The following ATRNL1 variants were observed in gnomAD, a reference collection of about 807,000 sequenced individuals.
ATRNL1 encodes attractin-like protein 1.
Under a neutral mutation model 182.7 loss-of-function variants are expected in ATRNL1, and 95 were observed. The observed-to-expected ratio is 0.52, with a 90% confidence interval of 0.44 to 0.62. The LOEUF (loss-of-function observed/expected upper bound fraction) is 0.62, where lower values mean the gene tolerates loss of function less well. ATRNL1 is among the 20% of genes least tolerant of loss of function. The pLI is 0.00. For synonymous variants in ATRNL1, 576 were observed against 568.3 expected, an observed-to-expected ratio of 1.01 and a Z score of -0.19; for missense variants, 1,471 against 1,679.5, an observed-to-expected ratio of 0.88 and a Z score of 2.17.
Position 115,857,978 on chromosome 10 carries a change from A to C in ATRNL1, c.4018+9987A>C, listed in dbSNP as rs115506210. ...GTGCTCAAAGAGAAAAACAGGAAAA[A>C]ATTAAAACTCAACAAGACAACTTAC... is the stretch of plus-strand genomic sequence containing the variant. On this transcript the variant is annotated intron_variant, in intron 28 of 28. Transcript: ENST00000355044. Among the ~76,000 whole-genome samples the C allele has an allele frequency of 5.8e-3, 887 of 152,304 alleles. 19 individuals are homozygous for C. Among genetic ancestry groups the C allele is most frequent in the African/African-American group, 0.02 (829 of 41,562 alleles).
At chr10:115,120,335 G>A (rs1844671892) in intron 2 of ATRNL1, 67 bp downstream of exon 2, 2 of 839,824 alleles carry the variant, frequency 2.4e-6, no homozygotes, top group Non-Finnish European at 3.8e-6. Flanking sequence ...TCATATTAAT[G>A]TCAGAGCATT....
intron 19 of ATRNL1, among the ~76,000 whole-genome samples, chr10:115,392,260 A>G (rs925646503): frequency 3.3e-5 from 5 of 152,182 alleles, no homozygotes; most frequent in Admixed American, 2.6e-4. Context: ...TGTAATTTAT[A>G]TCATTCCCAA....
At chr10:115,261,259 G>C (rs1851380165) in intron 10 of ATRNL1, among the ~76,000 whole-genome samples, 1 of 152,108 alleles carries the variant, frequency 6.6e-6, no homozygotes, top group African/African-American at 2.4e-5. Context: ...AAGTGTTAGA[G>C]TGAAATAAAA....
intron 26 of ATRNL1, among the ~76,000 whole-genome samples, chr10:115,582,630 A>G (rs1425361484): frequency 2.1e-5 from 3 of 142,662 alleles, no homozygotes; most frequent in Admixed American, 7.4e-5. Flanking sequence ...AGTTCATTGT[A>G]GATTCTGGAT....
chr10:115,587,337 G>T (rs1377474082), intron 26 of ATRNL1, among the ~76,000 whole-genome samples: 1 of 152,074 alleles, frequency 6.6e-6, no homozygotes. Context: ...CCTTGGCAAT[G>T]GCGGGCGCCC....
chr10:115,771,506 A>G (rs1239626659), intron 27 of ATRNL1, among the ~76,000 whole-genome samples: 1 of 152,218 alleles, frequency 6.6e-6, no homozygotes. Context: ...CTGGGATTAC[A>G]GGCGTGAGCC....
chr10:115,520,957 G>A (rs960382722), intron 25 of ATRNL1, among the ~76,000 whole-genome samples: 7 of 151,996 alleles, frequency 4.6e-5, no homozygotes, highest in African/African-American at 7.2e-5. Flanking sequence ...AAGTGCATTC[G>A]TACTTTAAAT....
chr10:115,803,597 G>C (rs1451431083), intron 27 of ATRNL1, among the ~76,000 whole-genome samples: 1 of 139,630 alleles, frequency 7.2e-6, no homozygotes, highest in Non-Finnish European at 1.6e-5. Flanking sequence ...GGGTTTTTTT[G>C]TGTTTTTTTT....
intron 25 of ATRNL1, among the ~76,000 whole-genome samples, chr10:115,531,575 G>A (rs1554988284): frequency 6.7e-6 from 1 of 150,144 alleles, no homozygotes; most frequent in African/African-American, 2.4e-5. Context: ...CCATTTTGTA[G>A]GCTGCCTGTT....
intron 26 of ATRNL1, among the ~76,000 whole-genome samples, chr10:115,565,055 A>G (rs544832437): frequency 6.6e-6 from 1 of 152,084 alleles, no homozygotes; most frequent in East Asian, 1.9e-4. Flanking sequence ...GAGCATTTCT[A>G]ATGCACTTAG....
intron 1 of ATRNL1, among the ~76,000 whole-genome samples, chr10:115,103,138 C>T (rs1382843297): frequency 6.6e-5 from 10 of 150,654 alleles, no homozygotes; most frequent in Non-Finnish European, 1.0e-4. Flanking sequence ...CCTGGGTTCA[C>T]GCGATTCTCG....
chr10:115,268,220 A>C (rs1183795771), intron 12 of ATRNL1, 106 bp from the exon 13 acceptor site: 1 of 707,102 alleles, frequency 1.4e-6, no homozygotes, highest in Admixed American at 2.3e-5. Context: ...TCTTTGGTTA[A>C]AAAATGTCTT....
intron 14 of ATRNL1, among the ~76,000 whole-genome samples, chr10:115,281,733 C>T (rs1166781459): frequency 3.9e-5 from 5 of 129,796 alleles, no homozygotes; most frequent in African/African-American, 5.8e-5. Context: ...ACCTTTTCAT[C>T]GAAAAAAATC....
chr10:115,604,324 C>T (rs1856766001), intron 26 of ATRNL1, among the ~76,000 whole-genome samples: 1 of 151,966 alleles, frequency 6.6e-6, no homozygotes, highest in Admixed American at 6.6e-5. Context: ...CTTGACTGTC[C>T]TTTTGTCTTA....
chr10:115,674,590 C>T (rs745520223), intron 26 of ATRNL1, among the ~76,000 whole-genome samples: 2 of 152,042 alleles, frequency 1.3e-5, no homozygotes, highest in Non-Finnish European at 2.9e-5. Context: ...TCTCAAGGAC[C>T]TCCGAGTCTA....
chr10:115,930,000 T>C (rs1953347698), intron 28 of ATRNL1, among the ~76,000 whole-genome samples: 1 of 152,108 alleles, frequency 6.6e-6, no homozygotes, highest in South Asian at 2.1e-4. Flanking sequence ...AAGAATGTGG[T>C]ATAGATGCTT....
At chr10:115,302,600 A>G (rs1185054990) in intron 17 of ATRNL1, among the ~76,000 whole-genome samples, 1 of 152,200 alleles carries the variant, frequency 6.6e-6, no homozygotes, top group Admixed American at 6.5e-5. Context: ...TTATGTCAGC[A>G]GGGCAGTACT....
At chr10:115,866,861 T>C (rs1951450931) in intron 28 of ATRNL1, among the ~76,000 whole-genome samples, 1 of 152,174 alleles carries the variant, frequency 6.6e-6, no homozygotes, top group Non-Finnish European at 1.5e-5. Context: ...AACCCAAGGC[T>C]TCACCGCTGC....
At chr10:115,353,389 C>G (rs1029542427) in intron 19 of ATRNL1, among the ~76,000 whole-genome samples, 1 of 151,988 alleles carries the variant, frequency 6.6e-6, no homozygotes, top group East Asian at 1.9e-4. Flanking sequence ...TATAGCTATT[C>G]TTGTTTTTTG....
Sources: gnomAD v4.1 joint callset for allele counts (sites outside exome capture counted in the v4.1 genomes callset) on GRCh38, gnomAD v4.1.1 for gene constraint, MANE v1.5 for transcripts, NCBI Gene and HGNC (gene_info 2026-07-23, HGNC 2026-07-21) for gene names.